Variants in DLGAP1 observed in about 807,000 individuals in gnomAD.
DLGAP1 encodes DLG associated protein 1.
DLGAP1 carries 11 observed loss-of-function variants against 90.8 expected under a neutral mutation model. That is an observed-to-expected ratio of 0.12 (90% CI 0.08 to 0.20). The LOEUF (loss-of-function observed/expected upper bound fraction) is 0.20, where lower values mean the gene tolerates loss of function less well. DLGAP1 is among the 10% of genes least tolerant of loss of function. DLGAP1 has a pLI of 1.00. For synonymous variants in DLGAP1, 558 were observed against 540.7 expected, an observed-to-expected ratio of 1.03 and a Z score of -0.44; for missense variants, 1,050 against 1,333.8, an observed-to-expected ratio of 0.79 and a Z score of 3.31.
chr18:4,003,222 C>T (rs973354060), intron 3 of DLGAP1, among the ~76,000 whole-genome samples: 1 of 152,240 alleles, frequency 6.6e-6, no homozygotes, highest in East Asian at 1.9e-4. Flanking sequence ...CAGGCCTCCT[C>T]CGGGTTGTAG....
At chr18:3,744,671 G>A (rs1023973801) in intron 5 of DLGAP1, among the ~76,000 whole-genome samples, 3 of 151,978 alleles carry the variant, frequency 2.0e-5, no homozygotes, top group African/African-American at 4.8e-5. Context: ...TTAGCCTCCC[G>A]AGTAGCCGGA....
chr18:4,057,721 G>C (rs2075242487), intron 2 of DLGAP1, among the ~76,000 whole-genome samples: 1 of 152,116 alleles, frequency 6.6e-6, no homozygotes, highest in Non-Finnish European at 1.5e-5. Flanking sequence ...TCTTTATTCG[G>C]AGGAGGCAAG....
chr18:4,201,998 C>A (rs1483876008), intron 1 of DLGAP1, among the ~76,000 whole-genome samples: 3 of 152,058 alleles, frequency 2.0e-5, no homozygotes, highest in Non-Finnish European at 4.4e-5. Context: ...GAAAATAAGT[C>A]ATTATGTCAG....
At chr18:3,957,776 T>TC (rs1224506348) in intron 3 of DLGAP1, among the ~76,000 whole-genome samples, 5 of 152,184 alleles carry the variant, frequency 3.3e-5, no homozygotes, top group African/African-American at 9.7e-5. Context: ...TCTATCTTAG[T>TC]CATTCATCTC....
intron 7 of DLGAP1, among the ~76,000 whole-genome samples, chr18:3,598,866 T>C (rs974292874): frequency 2.6e-5 from 4 of 152,116 alleles, no homozygotes; most frequent in African/African-American, 9.7e-5. Flanking sequence ...GGCATGATCT[T>C]GGCTCACTGC....
At chr18:3,869,656 A>G (rs532978359) in intron 4 of DLGAP1, among the ~76,000 whole-genome samples, 10 of 152,358 alleles carry the variant, frequency 6.6e-5, no homozygotes, top group Non-Finnish European at 1.3e-4. Context: ...TTTTACACCC[A>G]CACTGTGATT....
intron 1 of DLGAP1, among the ~76,000 whole-genome samples, chr18:4,385,083 T>G (rs534944451): frequency 1.8e-4 from 27 of 152,230 alleles, no homozygotes; most frequent in Non-Finnish European, 3.1e-4. Context: ...TAAGTAATAA[T>G]GAAAGCTTAG....
rs193151099 is a variant in DLGAP1, at chr18:4,317,173, T to A, written c.-267+137833A>T. Among the ~76,000 whole-genome samples, 7 of 152,348 alleles carry A rather than the reference T, an allele frequency of 4.6e-5. No homozygotes were observed. In the East Asian group the frequency reaches 1.3e-3, roughly 29 times the overall value. ...ATGCCTTCCTATTTCACATCCATGT[T>A]CACAGTCCTACTGATGACCTTAGAT... On this transcript the variant is annotated intron_variant, in intron 1 of 12. Transcript: ENST00000315677.
chr18:3,740,627 A>G (rs2062856748), intron 6 of DLGAP1, among the ~76,000 whole-genome samples: 1 of 152,088 alleles, frequency 6.6e-6, no homozygotes, highest in African/African-American at 2.4e-5. Context: ...CAGATGTTTC[A>G]GTGATCAGCC....
At chr18:4,090,852 T>C (rs984750252) in intron 2 of DLGAP1, among the ~76,000 whole-genome samples, 1 of 152,116 alleles carries the variant, frequency 6.6e-6, no homozygotes, top group Non-Finnish European at 1.5e-5. Context: ...CAAATGTCCA[T>C]CAACGATAGA....
At chr18:4,425,391 G>T (rs920349901) in intron 1 of DLGAP1, among the ~76,000 whole-genome samples, 3 of 152,122 alleles carry the variant, frequency 2.0e-5, no homozygotes, top group African/African-American at 7.2e-5. Flanking sequence ...TTGATGTGAG[G>T]GTGAAGGAAG....
intron 2 of DLGAP1, among the ~76,000 whole-genome samples, chr18:4,041,696 A>G (rs2149149392): frequency 6.6e-6 from 1 of 152,318 alleles, no homozygotes; most frequent in East Asian, 1.9e-4. Context: ...GACCAGTAGC[A>G]AGAAAAAACT....
rs2144947045 is a variant in DLGAP1 at position 4,455,153 on chromosome 18, G to A, written c.-414C>T. 6.6e-6 allele frequency: 1 copy of A among 151,776 alleles called. No homozygotes were observed. The highest frequency in any genetic ancestry group is 2.1e-4 in the South Asian group (1 of 4,836). 9.4% of individuals were successfully genotyped at this position (151,776 alleles called of 1,614,324 possible). A position where few individuals can be genotyped will look rare whatever the true frequency, so the allele number is the denominator to read the frequency against. On this transcript the variant is annotated 5_prime_UTR_variant, in exon 1 of 13. Coordinates refer to ENST00000315677, the MANE Select transcript of DLGAP1 (RefSeq NM_004746.4). ...ACTCGAGAGAGGAGCCGAGGCGGCG[G>A]CGGCCGTTCGCGCCGCCTATGCTGC... is the stretch of plus-strand genomic sequence containing the variant.
At chr18:4,350,545 G>C (rs28680264) in intron 1 of DLGAP1, among the ~76,000 whole-genome samples, 1 of 152,008 alleles carries the variant, frequency 6.6e-6, no homozygotes, top group Non-Finnish European at 1.5e-5. Flanking sequence ...ATATGTTCCA[G>C]TTAGCTAGAA....
chr18:4,089,815 G>A (rs956119886), intron 2 of DLGAP1, among the ~76,000 whole-genome samples: 1 of 152,196 alleles, frequency 6.6e-6, no homozygotes, highest in African/African-American at 2.4e-5. Context: ...GGAGGCCGAG[G>A]CGGGCGGATC....
At chr18:4,178,992 T>C (rs1449249565) in intron 1 of DLGAP1, among the ~76,000 whole-genome samples, 1 of 152,158 alleles carries the variant, frequency 6.6e-6, no homozygotes. Flanking sequence ...AAATTATGTG[T>C]TTAGTGTAAA....
intron 5 of DLGAP1, among the ~76,000 whole-genome samples, chr18:3,783,146 A>G (rs1213950262): frequency 2.0e-5 from 3 of 152,232 alleles, no homozygotes; most frequent in African/African-American, 7.2e-5. Context: ...AAATGGATAG[A>G]TAAGAATATG....
At chr18:4,218,031 A>C (rs996011956) in intron 1 of DLGAP1, among the ~76,000 whole-genome samples, 1 of 151,882 alleles carries the variant, frequency 6.6e-6, no homozygotes, top group African/African-American at 2.4e-5. Context: ...ATCTTCTAGA[A>C]GTTTTACAGT....
At chr18:4,200,593 A>G (rs2077589760) in intron 1 of DLGAP1, among the ~76,000 whole-genome samples, 1 of 148,078 alleles carries the variant, frequency 6.8e-6, no homozygotes, top group South Asian at 2.1e-4. Flanking sequence ...AATATTTAAT[A>G]CTTTAAAATA....
Sources: allele counts gnomAD v4.1 joint callset (sites outside exome capture counted in the v4.1 genomes callset), GRCh38; gene constraint gnomAD v4.1.1; transcripts MANE v1.5; gene names NCBI Gene and HGNC (gene_info 2026-07-23, HGNC 2026-07-21).